The following FANCC variants were observed in gnomAD, a reference collection of about 807,000 sequenced individuals.
FANCC encodes the protein Fanconi anemia group C protein.
Under a neutral mutation model 71.3 loss-of-function variants are expected in FANCC, and 55 were observed. That is an observed-to-expected ratio of 0.77 (90% CI 0.62 to 0.97). The LOEUF (loss-of-function observed/expected upper bound fraction) is 0.97, where lower values mean the gene tolerates loss of function less well. FANCC is among the 50% of genes least tolerant of loss of function. The pLI, the probability that FANCC is intolerant of heterozygous loss-of-function variation, is 0.00. For synonymous variants in FANCC, 275 were observed against 244.9 expected (o/e 1.12, Z -1.15); for missense variants, 678 against 670.9 (o/e 1.01, Z -0.12).
At chr9:95,111,429 AC>A (rs1291155222) in intron 13 of FANCC, 33 bp downstream of exon 13, 2 of 1,604,084 alleles carry the variant, frequency 1.2e-6, no homozygotes, top group African/African-American at 2.7e-5. Context: ...CCCAGAGCCC[AC>A]CCCAAACACA....
intron 7 of FANCC, among the ~76,000 whole-genome samples, chr9:95,137,463 G>A (rs1439960272): frequency 1.3e-5 from 2 of 152,028 alleles, no homozygotes; most frequent in Non-Finnish European, 2.9e-5. Flanking sequence ...AGGACCCACC[G>A]GCAGGCCCCG....
At chr9:95,109,185 T>C (rs1285057681) in intron 13 of FANCC, among the ~76,000 whole-genome samples, 1 of 152,164 alleles carries the variant, frequency 6.6e-6, no homozygotes, top group African/African-American at 2.4e-5. Flanking sequence ...GTGCTGAGAT[T>C]ACAGGCATGA....
intron 8 of FANCC, chr9:95,126,828 T>C (rs1366206747): frequency 1.0e-5 from 5 of 487,210 alleles, no homozygotes; most frequent in East Asian, 7.3e-5. Flanking sequence ...CCACATTTTC[T>C]ATAAAAGCTC....
At chr9:95,128,889 T>C (rs1826425640) in intron 8 of FANCC, among the ~76,000 whole-genome samples, 1 of 152,018 alleles carries the variant, frequency 6.6e-6, no homozygotes. Flanking sequence ...GGCAGAGATT[T>C]TGATTTGAAA....
chr9:95,313,138 G>A (rs912113437), intron 1 of FANCC, among the ~76,000 whole-genome samples: 1 of 152,226 alleles, frequency 6.6e-6, no homozygotes, highest in African/African-American at 2.4e-5. Context: ...AGGACCTAGC[G>A]CTGGAGACGT....
intron 8 of FANCC, among the ~76,000 whole-genome samples, chr9:95,133,253 C>G (rs1197613376): frequency 1.3e-5 from 2 of 152,248 alleles, no homozygotes; most frequent in Non-Finnish European, 2.9e-5. Context: ...ACAGCCCACA[C>G]CAATCAGGGG....
At chr9:95,311,214 A>G (rs1299045543) in intron 1 of FANCC, among the ~76,000 whole-genome samples, 1 of 147,204 alleles carries the variant, frequency 6.8e-6, no homozygotes, top group African/African-American at 2.5e-5. Context: ...AGCCCGGGAG[A>G]CAGAGTGAGA....
intron 6 of FANCC, among the ~76,000 whole-genome samples, chr9:95,164,274 C>G (rs574224953): frequency 1.4e-4 from 22 of 152,254 alleles, no homozygotes; most frequent in African/African-American, 5.3e-4. Context: ...CATCTGTTGA[C>G]CTTTATTTCT....
intron 4 of FANCC, among the ~76,000 whole-genome samples, chr9:95,179,304 G>C (rs1826200485): frequency 6.6e-6 from 1 of 152,168 alleles, no homozygotes; most frequent in Non-Finnish European, 1.5e-5. Flanking sequence ...ATCAAAATCT[G>C]ACCTATTTCA....
chr9:95,202,108 CA>C (rs1279322657), intron 4 of FANCC, among the ~76,000 whole-genome samples: 1 of 152,208 alleles, frequency 6.6e-6, no homozygotes, highest in Non-Finnish European at 1.5e-5. Context: ...CATTGCCATG[CA>C]AATCACCTAC....
intron 10 of FANCC, chr9:95,123,466 C>A (rs902026659): frequency 3.9e-5 from 18 of 461,816 alleles, no homozygotes; most frequent in Non-Finnish European, 7.8e-5. Flanking sequence ...ATGGTGAAAC[C>A]CCATCTCTAA....
chr9:95,135,549 A>G (rs1354124646), intron 7 of FANCC, 47 bp from the exon 8 acceptor site: 16 of 1,565,474 alleles, frequency 1.0e-5, no homozygotes, highest in Non-Finnish European at 1.4e-5. Context: ...TGGCTCACTG[A>G]AAAAAGAAGA....
intron 3 of FANCC, among the ~76,000 whole-genome samples, chr9:95,242,698 T>C (rs1308521891): frequency 6.6e-6 from 1 of 152,118 alleles, no homozygotes; most frequent in Non-Finnish European, 1.5e-5. Flanking sequence ...ACCCAACCTG[T>C]AGGAGGTGAC....
intron 4 of FANCC, among the ~76,000 whole-genome samples, chr9:95,214,299 G>C (rs1482452562): frequency 6.6e-6 from 1 of 152,102 alleles, no homozygotes; most frequent in Non-Finnish European, 1.5e-5. Flanking sequence ...GAGCATGATG[G>C]TGCATGCCTG....
intron 4 of FANCC, among the ~76,000 whole-genome samples, chr9:95,237,742 T>G (rs1488415035): frequency 6.6e-6 from 1 of 152,340 alleles, no homozygotes; most frequent in African/African-American, 2.4e-5. Flanking sequence ...ATCAAGAATT[T>G]CCAAAGAAAA....
At chr9:95,231,375 A>G (rs533798409) in intron 4 of FANCC, among the ~76,000 whole-genome samples, 2 of 152,326 alleles carry the variant, frequency 1.3e-5, no homozygotes, top group East Asian at 3.9e-4. Flanking sequence ...AGAAACTCCA[A>G]CCAGCCTGCC....
intron 1 of FANCC, among the ~76,000 whole-genome samples, chr9:95,295,303 T>C (rs1408748260): frequency 6.6e-6 from 1 of 152,142 alleles, no homozygotes; most frequent in African/African-American, 2.4e-5. Context: ...AAGGTGTTAA[T>C]ATCCAGAATA....
intron 1 of FANCC, among the ~76,000 whole-genome samples, chr9:95,253,247 C>CT (rs1194295055): frequency 2.6e-5 from 4 of 152,128 alleles, no homozygotes; most frequent in Admixed American, 2.6e-4. Context: ...TGGGTGATGG[C>CT]TGCTGCCAGC....
chr9:95,148,167 A>ATAC (rs1393760755), intron 7 of FANCC, among the ~76,000 whole-genome samples: 2 of 152,232 alleles, frequency 1.3e-5, no homozygotes, highest in Non-Finnish European at 2.9e-5. Context: ...GCAGTTTAAC[A>ATAC]TACTGACTTT....
Sources: gnomAD v4.1 joint callset for allele counts (sites outside exome capture counted in the v4.1 genomes callset) on GRCh38, gnomAD v4.1.1 for gene constraint, MANE v1.5 for transcripts, NCBI Gene and HGNC (gene_info 2026-07-23, HGNC 2026-07-21) for gene names.